Variants in CA10 observed in about 807,000 individuals in gnomAD.
The protein encoded by CA10 is carbonic anhydrase-related protein 10.
CA10 carries 14 observed loss-of-function variants against 44.2 expected under a neutral mutation model. That is an observed-to-expected ratio of 0.32 (90% CI 0.21 to 0.50). CA10 has a LOEUF of 0.50. Ranked by LOEUF, CA10 falls within the 20% of genes least tolerant of loss-of-function variation. CA10 has a pLI of 0.99. For missense variants in CA10, 350 were observed against 409.7 expected, an observed-to-expected ratio of 0.85 and a Z score of 1.26; for synonymous variants, 159 against 141.6, an observed-to-expected ratio of 1.12 and a Z score of -0.87.
At chr17:52,155,698 C>T (rs1989789965) in intron 1 of CA10, among the ~76,000 whole-genome samples, 1 of 152,154 alleles carries the variant, frequency 6.6e-6, no homozygotes, top group Admixed American at 6.5e-5. Flanking sequence ...CAAATTAATG[C>T]AGATCCTAAC....
intron 3 of CA10, among the ~76,000 whole-genome samples, chr17:51,922,996 C>G (rs772910312): frequency 6.6e-6 from 1 of 152,150 alleles, no homozygotes; most frequent in Non-Finnish European, 1.5e-5. Flanking sequence ...ATTTGTCTAA[C>G]CACAAAATAC....
At chr17:52,022,190 G>T (rs2144155804) in intron 2 of CA10, among the ~76,000 whole-genome samples, 1 of 152,122 alleles carries the variant, frequency 6.6e-6, no homozygotes, top group Middle Eastern at 3.4e-3. Flanking sequence ...GAAGAACACA[G>T]ATATGAAAAT....
chr17:51,791,512 A>G (rs1409263134), intron 3 of CA10, among the ~76,000 whole-genome samples: 1 of 152,230 alleles, frequency 6.6e-6, no homozygotes, highest in Non-Finnish European at 1.5e-5. Flanking sequence ...GTAACTGATT[A>G]TAACAGGAGA....
intron 3 of CA10, among the ~76,000 whole-genome samples, chr17:51,927,390 GT>G (rs973343819): frequency 3.9e-5 from 6 of 152,000 alleles, no homozygotes; most frequent in Non-Finnish European, 8.8e-5. Context: ...GTTTTAATAT[GT>G]TTTTTCTCCT....
intron 3 of CA10, among the ~76,000 whole-genome samples, chr17:51,890,509 G>GT (rs148389302): frequency 2.6e-4 from 40 of 151,696 alleles, no homozygotes; most frequent in Admixed American, 5.9e-4. Flanking sequence ...TTGTTTGTTT[G>GT]TTTTTTTTGC....
intron 4 of CA10, among the ~76,000 whole-genome samples, chr17:51,656,224 G>T (rs939981150): frequency 1.3e-5 from 2 of 152,180 alleles, no homozygotes; most frequent in Non-Finnish European, 2.9e-5. Context: ...AACAGAGGAG[G>T]GACATGAAAG....
chr17:51,728,074 T>C (rs1916589164), intron 4 of CA10, among the ~76,000 whole-genome samples: 1 of 152,066 alleles, frequency 6.6e-6, no homozygotes, highest in African/African-American at 2.4e-5. Flanking sequence ...TGTTGTTTGG[T>C]AGAGACAAGG....
At chr17:51,923,826 C>A (rs370507189) in intron 3 of CA10, among the ~76,000 whole-genome samples, 5 of 152,158 alleles carry the variant, frequency 3.3e-5, no homozygotes, top group Admixed American at 1.3e-4. Flanking sequence ...ACATTCCCCC[C>A]ACCTTGGATC....
chr17:51,780,174 T>A (rs1906000429), intron 3 of CA10, among the ~76,000 whole-genome samples: 1 of 152,206 alleles, frequency 6.6e-6, no homozygotes, highest in South Asian at 2.1e-4. Context: ...CAAAAGAGAG[T>A]TTGTGACTTA....
intron 1 of CA10, among the ~76,000 whole-genome samples, chr17:52,115,677 C>T (rs543006174): frequency 3.3e-5 from 5 of 152,374 alleles, no homozygotes; most frequent in South Asian, 4.1e-4. Flanking sequence ...CCTCCCCTCT[C>T]GGTTGGGGCT....
chr17:51,704,182 A>G (rs1339831248), intron 4 of CA10, among the ~76,000 whole-genome samples: 1 of 152,180 alleles, frequency 6.6e-6, no homozygotes. Context: ...TCATTCATTC[A>G]TTCATCCATC....
intron 3 of CA10, among the ~76,000 whole-genome samples, chr17:51,787,210 C>T (rs1266223369): frequency 6.6e-6 from 1 of 152,134 alleles, no homozygotes; most frequent in Non-Finnish European, 1.5e-5. Context: ...GAAGTATTCC[C>T]TTCTCCATTT....
chr17:51,825,122 T>C (rs1254112097), intron 3 of CA10, among the ~76,000 whole-genome samples: 1 of 152,240 alleles, frequency 6.6e-6, no homozygotes, highest in Non-Finnish European at 1.5e-5. Flanking sequence ...ATGGAAATCA[T>C]TAGCCATGTC....
intron 1 of CA10, among the ~76,000 whole-genome samples, chr17:52,130,899 C>A (rs1989223705): frequency 6.6e-6 from 1 of 151,928 alleles, no homozygotes; most frequent in Admixed American, 6.6e-5. Context: ...TTCAAGAGAT[C>A]TATTGTACAC....
chr17:52,098,706 G>A (rs1411116684), intron 1 of CA10, among the ~76,000 whole-genome samples: 2 of 152,160 alleles, frequency 1.3e-5, no homozygotes, highest in African/African-American at 4.8e-5. Flanking sequence ...GGAGGGGCCT[G>A]TGATACCTAC....
At chr17:51,886,104 T>C (rs1228428643) in intron 3 of CA10, among the ~76,000 whole-genome samples, 1 of 152,166 alleles carries the variant, frequency 6.6e-6, no homozygotes, top group Non-Finnish European at 1.5e-5. Flanking sequence ...AGCTGTCTAA[T>C]AGCTAATGCC....
At chr17:51,856,717 C>T (rs973876269) in intron 3 of CA10, among the ~76,000 whole-genome samples, 8 of 152,154 alleles carry the variant, frequency 5.3e-5, no homozygotes, top group Admixed American at 4.6e-4. Context: ...TTACTACAAG[C>T]TGCTTGTGCA....
chr17:51,964,747 C>T (rs1984018525), intron 2 of CA10, among the ~76,000 whole-genome samples: 1 of 151,808 alleles, frequency 6.6e-6, no homozygotes, highest in Admixed American at 6.6e-5. Flanking sequence ...CTCTGTGATG[C>T]AGCAAAAACA....
intron 1 of CA10, among the ~76,000 whole-genome samples, chr17:52,085,437 G>A (rs544027539): frequency 1.3e-5 from 2 of 152,262 alleles, no homozygotes; most frequent in South Asian, 4.1e-4. Context: ...TTCCTATGAA[G>A]CTCATTTACC....
Sources: gnomAD v4.1 joint callset for allele counts (sites outside exome capture counted in the v4.1 genomes callset) on GRCh38, gnomAD v4.1.1 for gene constraint, MANE v1.5 for transcripts, NCBI Gene and HGNC (gene_info 2026-07-23, HGNC 2026-07-21) for gene names.